EGLN1: variants seen among roughly 807,000 people sequenced by gnomAD.
The protein encoded by EGLN1 is egl nine homolog 1.
EGLN1 carries 17 observed loss-of-function variants against 38.3 expected under a neutral mutation model. The ratio of observed to expected loss-of-function variants is 0.44; its 90% CI spans 0.30 to 0.67. The LOEUF (loss-of-function observed/expected upper bound fraction) is 0.67, where lower values mean the gene tolerates loss of function less well. Among genes scored for constraint, EGLN1 ranks in the 30% least tolerant of loss-of-function variants. EGLN1 has a pLI of 0.08. For synonymous variants in EGLN1, 283 were observed against 257.5 expected (o/e 1.10, Z -0.95); for missense variants, 477 against 603.3 (o/e 0.79, Z 2.19).
intron 1 of EGLN1, among the ~76,000 whole-genome samples, chr1:231,389,299 T>G (rs1268647412): frequency 6.6e-6 from 1 of 152,256 alleles, no homozygotes; most frequent in African/African-American, 2.4e-5. Context: ...TATTCTCATC[T>G]TGCAGAGTAA....
At chr1:231,397,664 G>C (rs917921529) in intron 1 of EGLN1, among the ~76,000 whole-genome samples, 1 of 152,190 alleles carries the variant, frequency 6.6e-6, no homozygotes, top group Non-Finnish European at 1.5e-5. Context: ...GTTAAGGCTA[G>C]AACTGTGTTT....
At chr1:231,417,723 T>A (rs533579969) in intron 1 of EGLN1, among the ~76,000 whole-genome samples, 1 of 152,210 alleles carries the variant, frequency 6.6e-6, no homozygotes, top group Non-Finnish European at 1.5e-5. Context: ...TGACTTCATT[T>A]TTCCCTTATG....
At chr1:231,390,119 T>C (rs557203384) in intron 1 of EGLN1, among the ~76,000 whole-genome samples, 1 of 152,298 alleles carries the variant, frequency 6.6e-6, no homozygotes, top group East Asian at 1.9e-4. Context: ...AAAATAACAA[T>C]AGTATACCAC....
intron 1 of EGLN1, among the ~76,000 whole-genome samples, chr1:231,395,367 C>T (rs1368340817): frequency 2.6e-5 from 4 of 152,112 alleles, no homozygotes; most frequent in Non-Finnish European, 5.9e-5. Context: ...AAACCTCGGC[C>T]AAAAGAAGTA....
intron 1 of EGLN1, among the ~76,000 whole-genome samples, chr1:231,403,297 C>A (rs569468096): frequency 6.6e-6 from 1 of 152,214 alleles, no homozygotes; most frequent in South Asian, 2.1e-4. Flanking sequence ...TTGTTGATTT[C>A]CTATTTAAGA....
At chr1:231,377,930 G>A (rs866027948) in intron 1 of EGLN1, among the ~76,000 whole-genome samples, 5 of 152,112 alleles carry the variant, frequency 3.3e-5, no homozygotes, top group African/African-American at 1.2e-4. Context: ...TAAATCTCAC[G>A]TTTTGAAGAA....
chr1:231,368,189 TA>T (rs200401351), intron 3 of EGLN1, among the ~76,000 whole-genome samples: 6 of 150,086 alleles, frequency 4.0e-5, no homozygotes, highest in Non-Finnish European at 7.4e-5. Context: ...AGCCTCCCTC[TA>T]AAAAAAAAGA....
At chr1:231,379,676 T>C (rs956545131) in intron 1 of EGLN1, among the ~76,000 whole-genome samples, 1 of 152,062 alleles carries the variant, frequency 6.6e-6, no homozygotes, top group African/African-American at 2.4e-5. Context: ...GATACGTCAG[T>C]CCACATCCCA....
Position 231,422,068 on chromosome 1 carries a change from T to A in EGLN1, c.-180A>T. On this transcript the variant is annotated 5_prime_UTR_variant, in exon 1 of 5. Transcript: ENST00000366641. ...CGCCCTCGGCCCGGCCGCTTCCGAG[T>A]CCTAAGCTCCGGCGCAGCGCCGGCA... is the stretch of plus-strand genomic sequence containing the variant. 2 of 548,724 alleles carry A rather than the reference T, an allele frequency of 3.6e-6. No homozygotes were observed. The highest frequency in any genetic ancestry group is 4.6e-5 in the Admixed American group (1 of 21,634). 34.0% of individuals were successfully genotyped at this position (548,724 alleles called of 1,614,324 possible).
At chr1:231,419,848 G>A (rs569380237) in intron 1 of EGLN1, among the ~76,000 whole-genome samples, 7 of 152,194 alleles carry the variant, frequency 4.6e-5, no homozygotes, top group African/African-American at 1.7e-4. Flanking sequence ...GACTGTCAAA[G>A]TAGATGATCT....
In EGLN1 at chr1:231,421,630, T is replaced by TGGGCGGCGGCACTGC; in HGVS notation, c.244_258dup (p.Ala82_Pro86dup). The TGGGCGGCGGCACTGC allele has an allele frequency of 1.4e-6, 2 of 1,423,804 alleles. No individual in the cohort carries two copies. The highest frequency in any genetic ancestry group is 1.8e-6 in the Non-Finnish European group (2 of 1,092,400). The allele number at this position is 1,423,804 out of a possible 1,614,324, so 88.2% of individuals were successfully genotyped here. On this transcript the variant is annotated inframe_insertion, in exon 1 of 5. Coordinates refer to ENST00000366641, the MANE Select transcript of EGLN1 (RefSeq NM_022051.3). This position sits in a 1 kb window ranked among gnomAD's most constrained non-coding sequence, Gnocchi z 5.5. ...TTCCTGGGCTCCCGGGCCCCGGCCC[T>TGGGCGGCGGCACTGC]GGGCGGCGGCACTGCAGCCGGCGGC...
At chr1:231,380,240 C>T (rs186288219) in intron 1 of EGLN1, among the ~76,000 whole-genome samples, 4 of 145,164 alleles carry the variant, frequency 2.8e-5, no homozygotes, top group East Asian at 2.1e-4. Context: ...GGCGTGAACC[C>T]GGGAGGCGGA....
intron 1 of EGLN1, among the ~76,000 whole-genome samples, chr1:231,378,817 G>A (rs1572023959): frequency 1.3e-5 from 2 of 152,242 alleles, no homozygotes; most frequent in East Asian, 1.9e-4. Context: ...ACTTTGATGG[G>A]TTACAGAACT....
At chr1:231,420,652 T>C (rs1175185360) in intron 1 of EGLN1, among the ~76,000 whole-genome samples, 1 of 152,116 alleles carries the variant, frequency 6.6e-6, no homozygotes, top group African/African-American at 2.4e-5. Context: ...CTAACACCCC[T>C]TCACTGGGTG....
At chr1:231,393,525 G>T (rs751530049) in intron 1 of EGLN1, among the ~76,000 whole-genome samples, 4 of 152,128 alleles carry the variant, frequency 2.6e-5, no homozygotes, top group Non-Finnish European at 4.4e-5. Flanking sequence ...GCCTCAAAGG[G>T]TTGATGAGAG....
chr1:231,415,302 C>T (rs1281402509), intron 1 of EGLN1, among the ~76,000 whole-genome samples: 3 of 148,844 alleles, frequency 2.0e-5, no homozygotes, highest in Non-Finnish European at 4.4e-5. Context: ...TAAAATATGC[C>T]AAAATTAGTT....
intron 1 of EGLN1, among the ~76,000 whole-genome samples, chr1:231,408,707 A>G (rs1688854131): frequency 6.6e-6 from 1 of 152,140 alleles, no homozygotes; most frequent in African/African-American, 2.4e-5. Context: ...GTGGCTCACT[A>G]TAGTAGAGGA....
intron 1 of EGLN1, among the ~76,000 whole-genome samples, chr1:231,384,335 AAAAG>A (rs937529997): frequency 6.6e-6 from 1 of 152,286 alleles, no homozygotes; most frequent in Middle Eastern, 3.4e-3. Flanking sequence ...TTCTAGCAGG[AAAAG>A]AAAGAGAAAA....
Position 231,421,213 on chromosome 1 carries a change from C to T in EGLN1, c.676G>A (p.Val226Met). The T allele has an allele frequency of 6.2e-7, 1 of 1,614,012 alleles. No homozygotes were observed. Among genetic ancestry groups the T allele is most frequent in the Non-Finnish European group, 8.5e-7 (1 of 1,180,030 alleles). The change falls in exon 1 of 5, where the codon GTG becomes ATG. Residue 226 changes from valine (V) to methionine (M), a missense_variant. Coordinates refer to ENST00000366641, the MANE Select transcript of EGLN1 (RefSeq NM_022051.3). This position sits in a 1 kb window ranked among gnomAD's most constrained non-coding sequence, Gnocchi z 5.5. The part of the protein sequence containing the change: ...KETGQQIGDE[V>M]RALHDTGKFT... ...TTCCCGGTGTCGTGCAGGGCGCGCA[C>T]CTCGTCGCCGATCTGCTGTCCGGTC...
Sources: allele counts gnomAD v4.1 joint callset (sites outside exome capture counted in the v4.1 genomes callset), GRCh38; gene constraint gnomAD v4.1.1; non-coding constraint Gnocchi (gnomAD v3.1); transcripts MANE v1.5; gene names NCBI Gene and HGNC (gene_info 2026-07-23, HGNC 2026-07-21).